Variants in DLG2 observed in about 807,000 individuals in gnomAD.
The protein encoded by DLG2 is discs large MAGUK scaffold protein 2.
DLG2 carries 45 observed loss-of-function variants against 132.5 expected under a neutral mutation model. The ratio of observed to expected loss-of-function variants is 0.34; its 90% confidence interval spans 0.27 to 0.44. The LOEUF (loss-of-function observed/expected upper bound fraction) is 0.44, where lower values mean the gene tolerates loss of function less well. Ranked by LOEUF, DLG2 falls within the 20% of genes least tolerant of loss-of-function variation. The pLI is 1.00. For synonymous variants in DLG2, 424 were observed against 419.6 expected (o/e 1.01, Z -0.13); for missense variants, 1,045 against 1,196.9 (o/e 0.87, Z 1.87).
intron 6 of DLG2, among the ~76,000 whole-genome samples, chr11:84,888,637 T>C (rs569301744): frequency 2.0e-5 from 3 of 151,872 alleles, no homozygotes; most frequent in East Asian, 1.9e-4. Context: ...CTTGTTCATA[T>C]ATTTTGTTAC....
chr11:84,782,453 CA>C, intron 6 of DLG2, among the ~76,000 whole-genome samples: 1 of 151,384 alleles, frequency 6.6e-6, no homozygotes, highest in African/African-American at 2.4e-5. Flanking sequence ...CACACACACA[CA>C]CACACACACA....
At chr11:84,031,524 C>T (rs2095691038) in intron 11 of DLG2, among the ~76,000 whole-genome samples, 2 of 152,050 alleles carry the variant, frequency 1.3e-5, no homozygotes, top group Admixed American at 1.3e-4. Flanking sequence ...AGAGAGAAAA[C>T]AATGAAGTTG....
chr11:84,291,110 A>G (rs1599184676), intron 7 of DLG2, among the ~76,000 whole-genome samples: 1 of 152,174 alleles, frequency 6.6e-6, no homozygotes, highest in African/African-American at 2.4e-5. Flanking sequence ...TCAGTAAATT[A>G]TCTAGGAATC....
intron 3 of DLG2, among the ~76,000 whole-genome samples, chr11:85,533,810 T>C (rs1222600949): frequency 6.6e-6 from 1 of 152,194 alleles, no homozygotes; most frequent in Non-Finnish European, 1.5e-5. Flanking sequence ...GGAATACTAA[T>C]GTAGCTGAGC....
intron 6 of DLG2, among the ~76,000 whole-genome samples, chr11:85,019,874 A>G (rs1787479984): frequency 6.6e-6 from 1 of 152,164 alleles, no homozygotes; most frequent in African/African-American, 2.4e-5. Flanking sequence ...TCATTGATGG[A>G]CATTTGGGTT....
At chr11:84,630,114 G>A (rs935992825) in intron 6 of DLG2, among the ~76,000 whole-genome samples, 4 of 152,124 alleles carry the variant, frequency 2.6e-5, no homozygotes, top group South Asian at 2.1e-4. Context: ...CTCAAGTAAT[G>A]AGTGATATTC....
intron 3 of DLG2, among the ~76,000 whole-genome samples, chr11:85,520,462 C>A (rs1025503780): frequency 6.6e-6 from 1 of 151,026 alleles, no homozygotes; most frequent in African/African-American, 2.4e-5. Context: ...ATCAAAATAC[C>A]AATGGTATTC....
At chr11:85,376,260 G>T (rs2085396172) in intron 3 of DLG2, among the ~76,000 whole-genome samples, 1 of 152,140 alleles carries the variant, frequency 6.6e-6, no homozygotes. Context: ...TGTCAGGGAA[G>T]ACTTCATTCA....
intron 10 of DLG2, among the ~76,000 whole-genome samples, chr11:84,082,111 T>C (rs746243797): frequency 6.6e-6 from 1 of 152,220 alleles, no homozygotes; most frequent in South Asian, 2.1e-4. Flanking sequence ...GTTGGCTGCA[T>C]AAATGTCTTG....
chr11:84,851,879 T>C (rs952405388), intron 6 of DLG2, among the ~76,000 whole-genome samples: 1 of 151,884 alleles, frequency 6.6e-6, no homozygotes, highest in South Asian at 2.1e-4. Context: ...GATAGTTATA[T>C]ACAATTTTGT....
intron 17 of DLG2, among the ~76,000 whole-genome samples, chr11:83,792,530 A>G (rs2041852729): frequency 6.6e-6 from 1 of 152,114 alleles, no homozygotes; most frequent in Admixed American, 6.5e-5. Flanking sequence ...ATATACTACT[A>G]ATTATTTTTG....
chr11:84,718,134 C>T (rs534398989), intron 6 of DLG2, among the ~76,000 whole-genome samples: 2 of 151,910 alleles, frequency 1.3e-5, no homozygotes, highest in Non-Finnish European at 2.9e-5. Context: ...CTATAATTAA[C>T]CTTCTGTTAA....
intron 6 of DLG2, among the ~76,000 whole-genome samples, chr11:84,557,246 G>T (rs959767412): frequency 5.9e-5 from 9 of 152,066 alleles, no homozygotes; most frequent in African/African-American, 2.2e-4. Context: ...GGCCTCATCT[G>T]ACCATTTGAA....
intron 2 of DLG2, among the ~76,000 whole-genome samples, chr11:85,624,026 A>G (rs2153277184): frequency 6.6e-6 from 1 of 152,356 alleles, no homozygotes; most frequent in East Asian, 1.9e-4. Context: ...AGTTACTACT[A>G]TAGATAAGAA....
intron 4 of DLG2, among the ~76,000 whole-genome samples, chr11:85,189,302 A>G (rs1033949228): frequency 1.3e-5 from 2 of 152,090 alleles, no homozygotes; most frequent in African/African-American, 4.8e-5. Context: ...GAACAAAAAT[A>G]AAAAAAATTC....
In DLG2 at chr11:85,148,103, A is replaced by G. The variant is rs149664016; in HGVS notation, c.282+6453T>C. ...TTATCTCATTCCTTTCTATGGTTGC[A>G]TATTATTCCATGGTGTGTATATACC... On this transcript the variant is annotated intron_variant, in intron 5 of 27. Transcript: ENST00000376104. 2.6e-5 allele frequency among the ~76,000 whole-genome samples: 4 copies of G among 152,218 alleles called. No homozygotes were observed. In the East Asian group the frequency reaches 5.8e-4, roughly 22 times the overall value.
At chr11:84,017,737 G>A (rs946291271) in intron 11 of DLG2, among the ~76,000 whole-genome samples, 13 of 151,938 alleles carry the variant, frequency 8.6e-5, no homozygotes, top group African/African-American at 2.9e-4. Flanking sequence ...GGTCTCTATC[G>A]TCTTAAAGAA....
intron 6 of DLG2, among the ~76,000 whole-genome samples, chr11:84,985,303 T>G (rs879884578): frequency 6.6e-6 from 1 of 152,084 alleles, no homozygotes; most frequent in Non-Finnish European, 1.5e-5. Flanking sequence ...GCGTTAAAAC[T>G]GGAAATTAAC....
chr11:84,059,185 G>T, intron 11 of DLG2, 130 bp downstream of exon 11: 1 of 838,048 alleles, frequency 1.2e-6, no homozygotes, highest in Non-Finnish European at 1.8e-6. Context: ...AACCACTACT[G>T]TAGGATTTTA....
Sources: gnomAD v4.1 joint callset for allele counts (sites outside exome capture counted in the v4.1 genomes callset) on GRCh38, gnomAD v4.1.1 for gene constraint, MANE v1.5 for transcripts, NCBI Gene and HGNC (gene_info 2026-07-23, HGNC 2026-07-21) for gene names.